Variants in DARS2 observed in about 807,000 individuals in gnomAD.
DARS2 encodes aspartyl-tRNA synthetase 2, mitochondrial, also known as aspartate--tRNA ligase, mitochondrial.
A neutral mutation model predicts 83.0 loss-of-function variants in DARS2; 63 were observed. That is an observed-to-expected ratio of 0.76 (90% CI 0.62 to 0.94). The LOEUF (loss-of-function observed/expected upper bound fraction) is 0.94, where lower values mean the gene tolerates loss of function less well. Ranked by LOEUF, DARS2 falls within the 40% of genes least tolerant of loss-of-function variation. The pLI, the probability that DARS2 is intolerant of heterozygous loss-of-function variation, is 0.00. For synonymous variants in DARS2, 250 were observed against 269.3 expected, an observed-to-expected ratio of 0.93 and a Z score of 0.70; for missense variants, 675 against 774.4, an observed-to-expected ratio of 0.87 and a Z score of 1.52.
Position 173,835,431 on chromosome 1 carries a change from C to T in DARS2, c.663+912C>T, listed in dbSNP as rs1008195298. On this transcript the variant is annotated intron_variant, in intron 7 of 16. Transcript: ENST00000649689. ...TAAGAACAAATCTATTGGCCGGGCG[C>T]GGTGGCTCACACATGTAGTCTTAGT... is the stretch of plus-strand genomic sequence containing the variant. 1.4e-4 allele frequency among the ~76,000 whole-genome samples: 21 copies of T among 150,756 alleles called. No homozygotes were observed. In the East Asian group the frequency reaches 2.2e-3, roughly 16 times the overall value.
At chr1:173,828,470 G>C (rs1303142409) in intron 3 of DARS2, 71 bp downstream of exon 3, 4 of 1,352,592 alleles carry the variant, frequency 3.0e-6, no homozygotes, top group African/African-American at 2.9e-5. Context: ...TAAGTAGTTA[G>C]ATGAATATGT....
chr1:173,856,616 T>A, intron 15 of DARS2, 50 bp from the exon 16 acceptor site: 1 of 1,550,368 alleles, frequency 6.5e-7, no homozygotes, highest in Non-Finnish European at 8.9e-7. Flanking sequence ...ATGGTGGCAC[T>A]TAGTGGACCT....
At position 173,840,927 on chromosome 1, in the gene DARS2, G is replaced by C. The variant is rs762893445; in HGVS notation, c.1082G>C (p.Ser361Thr). Residue 361 changes from serine (S) to threonine (T), a missense_variant, in exon 11 of 17, where the codon AGT (serine) becomes ACT (threonine). Physicochemically the swap from Ser to Thr is moderately conservative, Grantham distance 58. Transcript: ENST00000649689. ...ATTGGATTTCTTCAAGATGCACTTA[G>C]TAAGCCCCATGGAACTGTGAAAGCC... Reference protein sequence around the residue: ...TEIGFLQDALSKPHGTVKAIC... With the variant: ...TEIGFLQDALTKPHGTVKAIC... The C allele has an allele frequency of 2.5e-6, 4 of 1,613,006 alleles. No individual in the cohort carries two copies. The African/African-American group carries it at 5.3e-5, about 22-fold the overall frequency.
chr1:173,857,402 C>A, intron 16 of DARS2, 116 bp from the exon 17 acceptor site: 1 of 1,039,124 alleles, frequency 9.6e-7, no homozygotes, highest in Non-Finnish European at 1.4e-6. Flanking sequence ...CGATGGTTGG[C>A]TACAGTTTGT....
chr1:173,852,666 G>A (rs934491743), intron 13 of DARS2, among the ~76,000 whole-genome samples: 5 of 151,850 alleles, frequency 3.3e-5, no homozygotes, highest in South Asian at 4.2e-4. Context: ...CACCACGCCC[G>A]GCTAATTTTT....
rs376219629 is a variant in DARS2, at chr1:173,857,661, C to G, written c.1894C>G (p.Arg632Gly). The G allele has an allele frequency of 1.2e-6, 2 of 1,614,028 alleles. No individual in the cohort carries two copies. The highest frequency in any genetic ancestry group is 1.7e-6 in the Non-Finnish European group (2 of 1,179,998). Residue 632 changes from arginine (R) to glycine (G), a missense_variant, in exon 17 of 17, where the codon CGA becomes GGA. Coordinates refer to ENST00000649689, the MANE Select transcript of DARS2 (RefSeq NM_018122.5). ...TGAGGAACTGAAGCCCTATCATATC[C>G]GAGTCTCCAAGCCAACAGACTCCAA... Reference protein sequence around the residue: ...PPEELKPYHIRVSKPTDSKAE... With the variant: ...PPEELKPYHIGVSKPTDSKAE...
Position 173,833,476 on chromosome 1 carries a change from G to A in DARS2, c.593G>A (p.Arg198Gln), listed in dbSNP as rs772911905. 8.1e-6 allele frequency: 13 copies of A among 1,614,082 alleles called. No homozygotes were observed. Among genetic ancestry groups the A allele is most frequent in the African/African-American group, 2.7e-5 (2 of 75,022 alleles). ...AGGTCCCAGATGGTCATGAAAATGC[G>A]GGAATATCTCTGTAATCTGCATGGT... ...RLRSQMVMKM[R>Q]EYLCNLHGFV... Residue 198 changes from arginine to glutamine, a missense_variant, in exon 6 of 17, where the codon CGG (arginine) becomes CAG (glutamine). By Grantham distance (43) the Arg-to-Gln change is conservative (BLOSUM62 1). Transcript: ENST00000649689.
chr1:173,847,814 T>C (rs1653491635), intron 12 of DARS2, among the ~76,000 whole-genome samples: 1 of 151,334 alleles, frequency 6.6e-6, no homozygotes, highest in African/African-American at 2.4e-5. Context: ...CTAGTTACTC[T>C]GTACCTTCTG....
chr1:173,834,759 G>GTTTTTTTTTT (rs1652930564), intron 7 of DARS2, among the ~76,000 whole-genome samples: 5 of 21,870 alleles, frequency 2.3e-4, no homozygotes, highest in Non-Finnish European at 2.4e-4. Flanking sequence ...TTTTTTTTTG[G>GTTTTTTTTTT]TTTGTTTTGG....
chr1:173,847,038 A>G (rs954707911), intron 12 of DARS2, among the ~76,000 whole-genome samples: 1 of 152,168 alleles, frequency 6.6e-6, no homozygotes, highest in Admixed American at 6.6e-5. Context: ...AAAATGGACT[A>G]CCTACCTCTA....
intron 11 of DARS2, among the ~76,000 whole-genome samples, chr1:173,844,119 C>T (rs1359782119): frequency 2.0e-5 from 3 of 151,980 alleles, no homozygotes; most frequent in African/African-American, 7.3e-5. Context: ...GGGAATACAC[C>T]CCAAAACATC....
intron 13 of DARS2, chr1:173,851,782 C>T: frequency 1.0e-6 from 1 of 957,808 alleles, no homozygotes; most frequent in South Asian, 4.8e-5. Context: ...ACTAGTACTT[C>T]ATCAAGTTCT....
chr1:173,837,987 C>A (rs759768000), intron 8 of DARS2, among the ~76,000 whole-genome samples: 1 of 152,152 alleles, frequency 6.6e-6, no homozygotes, highest in Admixed American at 6.5e-5. Flanking sequence ...GTTGGCCAGG[C>A]TGGTCTTGAA....
rs140326200 is a variant in DARS2, at chr1:173,833,373, T to C, written c.493-3T>C. On this transcript the variant is annotated splice_region_variant and splice_polypyrimidine_tract_variant and intron_variant, in intron 5 of 16. Transcript: ENST00000649689. ...AAATATAAAAATCTTTCAATTTCTT[T>C]AGAAAACAGAGGCTCTTCGGTTGCA... is the stretch of plus-strand genomic sequence containing the variant. The C allele has an allele frequency of 1.2e-3, 1,832 of 1,586,692 alleles. 12 individuals carry two copies. In the African/African-American group the frequency reaches 0.022, roughly 19 times the overall value.
Position 173,824,976 on chromosome 1 carries a change from C to T in DARS2, c.-254C>T. ...GCTGCCGACTTGTTGAGTAGAAGTG[C>T]AGACTGATGCTTTAAGACTCAGGGA... is the stretch of plus-strand genomic sequence containing the variant. On this transcript the variant is annotated 5_prime_UTR_variant, in exon 1 of 17. Transcript: ENST00000649689. The T allele has an allele frequency of 2.5e-6, 1 of 407,400 alleles. No individual in the cohort carries two copies. Among genetic ancestry groups the T allele is most frequent in the Non-Finnish European group, 4.6e-6 (1 of 215,760 alleles). 25.2% of individuals were successfully genotyped at this position (407,400 alleles called of 1,614,324 possible).
chr1:173,843,169 A>G (rs1312248412), intron 11 of DARS2, among the ~76,000 whole-genome samples: 1 of 152,162 alleles, frequency 6.6e-6, no homozygotes, highest in Non-Finnish European at 1.5e-5. Flanking sequence ...TATGTGGCAT[A>G]TGGGAGAAAT....
At chr1:173,842,110 C>T (rs74202626) in intron 11 of DARS2, among the ~76,000 whole-genome samples, 12,499 of 151,962 alleles carry the variant, frequency 0.082, 737 homozygotes, top group East Asian at 0.31. Context: ...TCTAAAGCAA[C>T]GGTACACGTC....
intron 12 of DARS2, among the ~76,000 whole-genome samples, chr1:173,849,803 G>A (rs1295571682): frequency 6.7e-6 from 1 of 150,348 alleles, no homozygotes; most frequent in Admixed American, 6.6e-5. Context: ...TCTCTCATCT[G>A]CTGATATTAT....
chr1:173,848,997 T>TG (rs1240615709), intron 12 of DARS2, among the ~76,000 whole-genome samples: 1 of 152,064 alleles, frequency 6.6e-6, no homozygotes, highest in Non-Finnish European at 1.5e-5. Context: ...TCAACTCTTC[T>TG]GTTGAATTTT....
Sources: allele counts gnomAD v4.1 joint callset (sites outside exome capture counted in the v4.1 genomes callset), GRCh38; gene constraint gnomAD v4.1.1; transcripts MANE v1.5; gene names NCBI Gene and HGNC (gene_info 2026-07-23, HGNC 2026-07-21).